ARID5B: variants seen among roughly 807,000 people sequenced by gnomAD.
ARID5B encodes the protein AT-rich interactive domain-containing protein 5B.
A neutral mutation model predicts 97.2 loss-of-function variants in ARID5B; 13 were observed. That is an observed-to-expected ratio of 0.13 (90% CI 0.09 to 0.21). The LOEUF is 0.21. Among genes scored for constraint, ARID5B ranks in the 10% least tolerant of loss-of-function variants. ARID5B has a pLI of 1.00. For missense variants in ARID5B, 1,210 were observed against 1,465.3 expected (o/e 0.83, Z 2.84); for synonymous variants, 556 against 570.3 (o/e 0.97, Z 0.36).
chr10:61,920,374 G>A (rs1843992739), intron 2 of ARID5B, among the ~76,000 whole-genome samples: 1 of 150,734 alleles, frequency 6.6e-6, no homozygotes, highest in South Asian at 2.1e-4. Context: ...TTGTTGCCCA[G>A]GCAGGAGTGC....
chr10:62,092,471 C>T lies in ARID5B; in HGVS notation c.3008C>T (p.Pro1003Leu), dbSNP rs1367766830. 1 of 1,614,150 alleles carries T rather than the reference C, an allele frequency of 6.2e-7. No homozygotes were observed. The highest frequency in any genetic ancestry group is 1.1e-5 in the South Asian group (1 of 91,078). ...VHPILHRKMSPQNIGAARPIK... is the reference protein window; with the variant it reads ...VHPILHRKMSLQNIGAARPIK... Reference sequence around the variant, plus strand: ...CCAATCCTGCACCGGAAAATGAGCCCGCAGAACATTGGGGCGGCGCGGCCG... The same window carrying T: ...CCAATCCTGCACCGGAAAATGAGCCTGCAGAACATTGGGGCGGCGCGGCCG... Residue 1003 changes from proline to leucine, a missense_variant, in exon 10 of 10, where the codon CCG (proline) becomes CTG (leucine). Physicochemically the swap from Pro to Leu is moderately conservative, Grantham distance 98. Transcript: ENST00000279873.
chr10:61,945,774 A>T (rs966461470), intron 3 of ARID5B, among the ~76,000 whole-genome samples: 1 of 152,130 alleles, frequency 6.6e-6, no homozygotes, highest in East Asian at 1.9e-4. Context: ...TTATTAGTAC[A>T]TTATTATTAT....
At chr10:61,908,100 A>G (rs1372607135) in intron 2 of ARID5B, among the ~76,000 whole-genome samples, 2 of 152,258 alleles carry the variant, frequency 1.3e-5, no homozygotes, top group Admixed American at 1.3e-4. Context: ...CATTGGTTCT[A>G]GGACATTAAA....
intron 4 of ARID5B, among the ~76,000 whole-genome samples, chr10:62,016,876 G>A (rs1482763089): frequency 6.6e-6 from 1 of 152,186 alleles, no homozygotes; most frequent in African/African-American, 2.4e-5. Flanking sequence ...CAGTATGCCT[G>A]TTCTTAAAAT....
chr10:61,993,334 G>A (rs1056605125), intron 3 of ARID5B, among the ~76,000 whole-genome samples: 2 of 152,154 alleles, frequency 1.3e-5, no homozygotes, highest in African/African-American at 2.4e-5. Flanking sequence ...TAAAGTTGAT[G>A]TACAACTTTG....
chr10:62,045,929 G>A (rs1052216058), intron 4 of ARID5B, among the ~76,000 whole-genome samples: 1 of 152,134 alleles, frequency 6.6e-6, no homozygotes, highest in Admixed American at 6.5e-5. Context: ...ATGAGTTAAC[G>A]CTCCGCCGAC....
intron 7 of ARID5B, among the ~76,000 whole-genome samples, chr10:62,063,821 A>C (rs1839952990): frequency 6.6e-6 from 1 of 152,238 alleles, no homozygotes; most frequent in African/African-American, 2.4e-5. Flanking sequence ...ATGAACTAAA[A>C]AGGCTTTCAC....
chr10:62,044,289 G>T (rs1839676741), intron 4 of ARID5B, among the ~76,000 whole-genome samples: 1 of 151,986 alleles, frequency 6.6e-6, no homozygotes, highest in Non-Finnish European at 1.5e-5. Context: ...AGTGATTGGG[G>T]TTGTCTGCTC....
At chr10:61,962,904 C>A (rs1037618780) in intron 3 of ARID5B, among the ~76,000 whole-genome samples, 5 of 152,226 alleles carry the variant, frequency 3.3e-5, no homozygotes, top group South Asian at 2.1e-4. Context: ...TTGGTGATAT[C>A]ATAATAAACC....
rs867206328 is a variant in ARID5B at position 61,903,403 on chromosome 10, T to C, written c.276+990T>C. 5.9e-5 allele frequency among the ~76,000 whole-genome samples: 9 copies of C among 152,292 alleles called. No individual in the cohort carries two copies. The East Asian group carries it at 1.4e-3, about 23-fold the overall frequency. On this transcript the variant is annotated intron_variant, in intron 2 of 9. Coordinates refer to ENST00000279873, the MANE Select transcript of ARID5B (RefSeq NM_032199.3). ...GGCCGCCTCCCTTCGGCTCTGTCAT[T>C]TCATGTGTGACCGCAGTTCTGCGGG...
At chr10:61,905,921 A>G (rs1290761703) in intron 2 of ARID5B, among the ~76,000 whole-genome samples, 1 of 152,230 alleles carries the variant, frequency 6.6e-6, no homozygotes, top group African/African-American at 2.4e-5. Context: ...ATATACACCA[A>G]TGCCTTCATA....
At chr10:61,957,138 T>A (rs1230258968) in intron 3 of ARID5B, among the ~76,000 whole-genome samples, 6 of 152,232 alleles carry the variant, frequency 3.9e-5, no homozygotes. Flanking sequence ...AAATAGCTAT[T>A]GGGCATCTGA....
chr10:62,062,029 C>A (rs1329339274), intron 7 of ARID5B, among the ~76,000 whole-genome samples: 1 of 152,140 alleles, frequency 6.6e-6, no homozygotes, highest in Non-Finnish European at 1.5e-5. Flanking sequence ...CCTGCAGATA[C>A]TTCAGTTTGC....
chr10:61,936,459 A>C (rs1378756294), intron 2 of ARID5B, among the ~76,000 whole-genome samples: 1 of 152,170 alleles, frequency 6.6e-6, no homozygotes, highest in East Asian at 1.9e-4. Flanking sequence ...CTCTACTAAA[A>C]GTACAAAGAT....
intron 4 of ARID5B, among the ~76,000 whole-genome samples, chr10:62,036,354 C>T (rs1239718768): frequency 1.3e-5 from 2 of 151,500 alleles, no homozygotes; most frequent in African/African-American, 2.4e-5. Flanking sequence ...TCCCAAAGCC[C>T]TTCCTCACCC....
chr10:61,904,194 A>G (rs1055788986), intron 2 of ARID5B, among the ~76,000 whole-genome samples: 3 of 152,092 alleles, frequency 2.0e-5, no homozygotes, highest in African/African-American at 7.2e-5. Flanking sequence ...TCCAGAAAAG[A>G]ACTGGTGCTT....
chr10:62,053,176 T>C (rs1839813400), intron 5 of ARID5B, among the ~76,000 whole-genome samples: 1 of 152,228 alleles, frequency 6.6e-6, no homozygotes. Flanking sequence ...ATCTGTTGAA[T>C]TGAAAGCAGC....
intron 4 of ARID5B, among the ~76,000 whole-genome samples, chr10:62,042,788 G>A (rs896741855): frequency 2.6e-5 from 4 of 152,032 alleles, no homozygotes; most frequent in South Asian, 4.2e-4. Context: ...GGTGGCGGGC[G>A]CCTGTAGTCC....
chr10:62,055,829 T>C (rs1839848854), intron 5 of ARID5B, among the ~76,000 whole-genome samples: 1 of 152,182 alleles, frequency 6.6e-6, no homozygotes, highest in Non-Finnish European at 1.5e-5. Flanking sequence ...GTACTTTCCT[T>C]TACTAAATAA....
Sources: allele counts gnomAD v4.1 joint callset (sites outside exome capture counted in the v4.1 genomes callset), GRCh38; gene constraint gnomAD v4.1.1; transcripts MANE v1.5; gene names NCBI Gene and HGNC (gene_info 2026-07-23, HGNC 2026-07-21).